Variants in S100Z observed in about 807,000 individuals in gnomAD.
S100Z encodes the protein protein S100-Z.
S100Z carries 11 observed loss-of-function variants against 8.5 expected under a neutral mutation model. The ratio of observed to expected loss-of-function variants is 1.30; its 90% confidence interval spans 0.82 to 2.15. S100Z has a LOEUF of 2.15. Among genes scored for constraint, S100Z ranks in the 30% most tolerant of loss-of-function variants. The probability of loss-of-function intolerance (pLI) is 0.00; values close to 1 mark genes in which losing one functional copy is unlikely to be tolerated. For missense variants in S100Z, 126 were observed against 117.9 expected, an observed-to-expected ratio of 1.07 and a Z score of -0.32; for synonymous variants, 34 against 43.8, an observed-to-expected ratio of 0.78 and a Z score of 0.89.
the S100Z span, among the ~76,000 whole-genome samples, chr5:76,935,912 G>A: frequency 6.6e-6 from 1 of 152,026 alleles, no homozygotes; most frequent in African/African-American, 2.4e-5. Context: ...AAGTAGCTGG[G>A]AATACAGGTG....
chr5:76,884,191 AAG>A (rs1168136086), intron 4 of S100Z, among the ~76,000 whole-genome samples: 1 of 152,192 alleles, frequency 6.6e-6, no homozygotes, highest in Non-Finnish European at 1.5e-5. Context: ...GGTTGCTGCT[AAG>A]AGGGCCATGA....
chr5:76,895,283 T>G (rs1197176781), intron 4 of S100Z, among the ~76,000 whole-genome samples: 1 of 152,154 alleles, frequency 6.6e-6, no homozygotes, highest in Non-Finnish European at 1.5e-5. Context: ...AACAGAGCCA[T>G]TTGCCCCTTC....
At chr5:76,928,844 A>G in the S100Z span, among the ~76,000 whole-genome samples, 3 of 152,316 alleles carry the variant, frequency 2.0e-5, 1 homozygote, top group East Asian at 5.8e-4. Context: ...GGCTCAAGCA[A>G]TTCCCCCACC....
At chr5:76,881,231 G>A (rs1021329550) in intron 4 of S100Z, among the ~76,000 whole-genome samples, 5 of 152,124 alleles carry the variant, frequency 3.3e-5, no homozygotes, top group Non-Finnish European at 7.3e-5. Context: ...GACTAATAAA[G>A]GCCGGTCTGT....
intron 2 of S100Z, 67 bp downstream of exon 2, chr5:76,870,351 C>T (rs1742964590): frequency 6.6e-6 from 1 of 152,064 alleles, no homozygotes; most frequent in Non-Finnish European, 1.5e-5. Flanking sequence ...AGGGATGATG[C>T]CTCTGTAATC....
rs1179007593 is a variant in S100Z, at chr5:76,921,011, T to G, written c.*297T>G. 6.6e-6 allele frequency: 1 copy of G among 152,182 alleles called. No individual in the cohort carries two copies. The highest frequency in any genetic ancestry group is 1.5e-5 in the Non-Finnish European group (1 of 68,030). The allele number at this position is 152,182 out of a possible 1,614,324, so 9.4% of individuals were successfully genotyped here. ...CAACTTCCACAAAAAAGAAAAATCT[T>G]TTACCATTTCTCATTAAAAAAGTAA... On this transcript the variant is annotated 3_prime_UTR_variant, in exon 5 of 5. Transcript: ENST00000317593.
chr5:76,907,010 A>G (rs398050283), intron 4 of S100Z, among the ~76,000 whole-genome samples: 1 of 43,072 alleles, frequency 2.3e-5, no homozygotes, highest in African/African-American at 1.2e-4. Context: ...ATATATATAT[A>G]TATATATATA....
chr5:76,929,736 G>A, the S100Z span, among the ~76,000 whole-genome samples: 1 of 152,262 alleles, frequency 6.6e-6, no homozygotes, highest in South Asian at 2.1e-4. Flanking sequence ...ACTATACATT[G>A]CAAAACAGGT....
chr5:76,882,153 G>A (rs1482231677), intron 4 of S100Z, among the ~76,000 whole-genome samples: 1 of 152,154 alleles, frequency 6.6e-6, no homozygotes, highest in Non-Finnish European at 1.5e-5. Flanking sequence ...TCAGGTGTGA[G>A]GAAGAAAATA....
intron 4 of S100Z, among the ~76,000 whole-genome samples, chr5:76,892,582 CT>C (rs1341279153): frequency 1.3e-5 from 2 of 151,750 alleles, no homozygotes; most frequent in East Asian, 1.9e-4. Context: ...GTGATCTGTG[CT>C]TTTTTCCAAA....
At chr5:76,916,750 A>G (rs920297000) in intron 4 of S100Z, among the ~76,000 whole-genome samples, 2 of 152,234 alleles carry the variant, frequency 1.3e-5, no homozygotes, top group Admixed American at 6.5e-5. Context: ...AAATGTAAAG[A>G]CGATATATCA....
intron 4 of S100Z, among the ~76,000 whole-genome samples, chr5:76,911,898 G>T (rs1168594617): frequency 6.6e-6 from 1 of 152,116 alleles, no homozygotes; most frequent in Non-Finnish European, 1.5e-5. Flanking sequence ...TGCTGACTAT[G>T]GATCCCTGGA....
chr5:76,863,777 A>G lies in S100Z; in HGVS notation c.-175-6389A>G, dbSNP rs563591117. ...ATGGTCTCGATCTCCTGACCTTGTG[A>G]TCCACCCACCTTGGCCTCCCAAAGT... On this transcript the variant is annotated intron_variant, in intron 1 of 4. Coordinates refer to ENST00000317593, the MANE Select transcript of S100Z (RefSeq NM_130772.4). Among the ~76,000 whole-genome samples the G allele has an allele frequency of 8.5e-5, 13 of 152,172 alleles. No homozygotes were observed. In the East Asian group the frequency reaches 2.3e-3, roughly 27 times the overall value.
chr5:76,882,229 A>G (rs1019486309), intron 4 of S100Z, among the ~76,000 whole-genome samples: 34 of 152,286 alleles, frequency 2.2e-4, no homozygotes, highest in Admixed American at 2.0e-3. Flanking sequence ...GAGGGCCTCT[A>G]AAAGTATTAA....
chr5:76,890,263 G>T (rs1743811324), intron 4 of S100Z, among the ~76,000 whole-genome samples: 2 of 152,076 alleles, frequency 1.3e-5, no homozygotes, highest in South Asian at 4.1e-4. Flanking sequence ...ACCTCAGGGA[G>T]TCCACCCACC....
intron 1 of S100Z, among the ~76,000 whole-genome samples, chr5:76,862,181 A>C (rs901370159): frequency 6.6e-6 from 1 of 151,576 alleles, no homozygotes; most frequent in African/African-American, 2.4e-5. Flanking sequence ...AGAATTTCAA[A>C]TATATAGAAA....
At chr5:76,894,880 C>T (rs759827586) in intron 4 of S100Z, among the ~76,000 whole-genome samples, 1 of 152,066 alleles carries the variant, frequency 6.6e-6, no homozygotes, top group Non-Finnish European at 1.5e-5. Context: ...TGAGCCACCG[C>T]GCCCACCCTA....
At chr5:76,909,467 T>C (rs867359554) in intron 4 of S100Z, among the ~76,000 whole-genome samples, 4 of 152,276 alleles carry the variant, frequency 2.6e-5, no homozygotes, top group African/African-American at 7.2e-5. Context: ...AAATACCTTA[T>C]GTCCAAGCTT....
chr5:76,881,001 G>A (rs2150647559), intron 4 of S100Z, among the ~76,000 whole-genome samples: 1 of 152,296 alleles, frequency 6.6e-6, no homozygotes, highest in Non-Finnish European at 1.5e-5. Context: ...ATAGTGTGGT[G>A]GAGATAGCTG....
Sources: gnomAD v4.1 joint callset for allele counts (sites outside exome capture counted in the v4.1 genomes callset) on GRCh38, gnomAD v4.1.1 for gene constraint, MANE v1.5 for transcripts, NCBI Gene and HGNC (gene_info 2026-07-23, HGNC 2026-07-21) for gene names.